Variants in SNTG1 observed in about 807,000 individuals in gnomAD.
SNTG1 encodes syntrophin gamma 1.
A neutral mutation model predicts 74.7 loss-of-function variants in SNTG1; 39 were observed. The observed-to-expected ratio is 0.52, with a 90% CI of 0.40 to 0.68. SNTG1 has a LOEUF of 0.68. Among genes scored for constraint, SNTG1 ranks in the 30% least tolerant of loss-of-function variants. The pLI, the probability that SNTG1 is intolerant of heterozygous loss-of-function variation, is 0.00. For missense variants in SNTG1, 685 were observed against 609.5 expected (o/e 1.12, Z -1.30); for synonymous variants, 254 against 217.1 (o/e 1.17, Z -1.49).
intron 15 of SNTG1, among the ~76,000 whole-genome samples, chr8:50,677,193 CA>C (rs1345187565): frequency 1.3e-5 from 2 of 151,900 alleles, no homozygotes; most frequent in African/African-American, 4.8e-5. Flanking sequence ...ACTGGAAAAG[CA>C]TAGCTGTTTT....
At chr8:50,527,360 C>T (rs1183123484) in intron 9 of SNTG1, among the ~76,000 whole-genome samples, 1 of 151,894 alleles carries the variant, frequency 6.6e-6, no homozygotes, top group Non-Finnish European at 1.5e-5. Flanking sequence ...TTTTTGTATC[C>T]TCTCTAAGAC....
intron 1 of SNTG1, among the ~76,000 whole-genome samples, chr8:50,135,197 C>T (rs546501914): frequency 9.2e-5 from 14 of 152,268 alleles, no homozygotes; most frequent in African/African-American, 2.9e-4. Flanking sequence ...GGCTATTCAT[C>T]CCCTTACCAA....
intron 1 of SNTG1, among the ~76,000 whole-genome samples, chr8:50,080,080 A>G (rs1159203599): frequency 1.3e-5 from 2 of 152,140 alleles, no homozygotes; most frequent in East Asian, 1.9e-4. Flanking sequence ...TAATATAAAA[A>G]CACAATGTAT....
At chr8:49,951,060 G>A (rs999007488) in intron 1 of SNTG1, among the ~76,000 whole-genome samples, 1 of 152,122 alleles carries the variant, frequency 6.6e-6, no homozygotes, top group African/African-American at 2.4e-5. Flanking sequence ...AGAGAATTTT[G>A]AATTAATCTA....
At chr8:50,738,761 T>A (rs569087410) in intron 17 of SNTG1, among the ~76,000 whole-genome samples, 11 of 150,214 alleles carry the variant, frequency 7.3e-5, no homozygotes, top group Admixed American at 6.6e-4. Context: ...ACCACACATC[T>A]ATGACCATCT....
intron 18 of SNTG1, among the ~76,000 whole-genome samples, chr8:50,788,343 T>G (rs879879572): frequency 2.0e-5 from 3 of 152,078 alleles, no homozygotes; most frequent in African/African-American, 7.2e-5. Context: ...CAATATTTTT[T>G]TGTCCTCACA....
intron 1 of SNTG1, among the ~76,000 whole-genome samples, chr8:50,040,647 T>C (rs1194532848): frequency 6.6e-6 from 1 of 152,184 alleles, no homozygotes; most frequent in Non-Finnish European, 1.5e-5. Flanking sequence ...GGGAAGGAGA[T>C]GCTTATAAAT....
chr8:50,781,188 G>T (rs2095658299), intron 18 of SNTG1, among the ~76,000 whole-genome samples: 1 of 144,176 alleles, frequency 6.9e-6, no homozygotes, highest in Admixed American at 6.7e-5. Flanking sequence ...CTGTTGATTT[G>T]GGGTGGAGAG....
intron 1 of SNTG1, among the ~76,000 whole-genome samples, chr8:50,004,276 T>A (rs749368615): frequency 1.3e-5 from 2 of 152,176 alleles, no homozygotes; most frequent in African/African-American, 4.8e-5. Flanking sequence ...TTATTCCAAC[T>A]CACTTCACAT....
intron 1 of SNTG1, among the ~76,000 whole-genome samples, chr8:50,053,074 G>A (rs1271293338): frequency 1.3e-5 from 2 of 152,006 alleles, no homozygotes; most frequent in Non-Finnish European, 2.9e-5. Context: ...ATGAAACCAC[G>A]TCCCATATTC....
chr8:50,421,440 G>T (rs1209103588), intron 4 of SNTG1, among the ~76,000 whole-genome samples: 1 of 152,092 alleles, frequency 6.6e-6, no homozygotes, highest in Non-Finnish European at 1.5e-5. Context: ...TGGGAGTGTA[G>T]CAGTGAGGAA....
chr8:50,598,957 C>T (rs974664599), intron 13 of SNTG1, among the ~76,000 whole-genome samples: 4 of 151,882 alleles, frequency 2.6e-5, no homozygotes, highest in African/African-American at 7.2e-5. Context: ...GTTATAACAA[C>T]TTTTTGGAGT....
At chr8:49,935,915 G>T (rs145193054) in intron 1 of SNTG1, among the ~76,000 whole-genome samples, 2 of 152,256 alleles carry the variant, frequency 1.3e-5, no homozygotes, top group Admixed American at 6.5e-5. Context: ...TTTTTTAAAT[G>T]CTCGGCTGCA....
At chr8:49,969,348 A>G (rs1243034527) in intron 1 of SNTG1, among the ~76,000 whole-genome samples, 5 of 151,912 alleles carry the variant, frequency 3.3e-5, no homozygotes, top group Non-Finnish European at 1.5e-5. Context: ...GAATTTACAA[A>G]AATTCTCAAA....
intron 9 of SNTG1, among the ~76,000 whole-genome samples, chr8:50,504,359 A>G (rs2093988941): frequency 6.6e-6 from 1 of 152,178 alleles, no homozygotes; most frequent in Admixed American, 6.5e-5. Context: ...GGTATATACC[A>G]TTTGACCCAG....
At position 49,994,644 on chromosome 8, in the gene SNTG1, C is replaced by A. The variant is rs1299034523; in HGVS notation, c.-103+82413C>A. ...TAACCCAAGAAATACGGATTCATGG[C>A]TAAAAAAAACTGTTAAATATTATGT... On this transcript the variant is annotated intron_variant, in intron 1 of 18. Coordinates refer to ENST00000642720, the MANE Select transcript of SNTG1 (RefSeq NM_018967.5). 2.0e-5 allele frequency among the ~76,000 whole-genome samples: 3 copies of A among 151,560 alleles called. No individual in the cohort carries two copies. In the East Asian group the frequency reaches 5.8e-4, roughly 29 times the overall value.
chr8:50,305,914 A>C (rs1338939164), intron 2 of SNTG1, among the ~76,000 whole-genome samples: 5 of 151,652 alleles, frequency 3.3e-5, no homozygotes, highest in Non-Finnish European at 5.9e-5. Context: ...AAAAAAAAAA[A>C]AACTGTTTCA....
chr8:50,788,083 A>G (rs997245889), intron 18 of SNTG1, among the ~76,000 whole-genome samples: 2 of 152,090 alleles, frequency 1.3e-5, no homozygotes, highest in Non-Finnish European at 2.9e-5. Context: ...TTACACAATA[A>G]TGACATAAGT....
chr8:50,320,451 C>T (rs2090483500), intron 2 of SNTG1, among the ~76,000 whole-genome samples: 1 of 151,358 alleles, frequency 6.6e-6, no homozygotes, highest in Non-Finnish European at 1.5e-5. Context: ...GTTTATCTTT[C>T]AAAAAACCAA....
Sources: gnomAD v4.1 joint callset for allele counts (sites outside exome capture counted in the v4.1 genomes callset) on GRCh38, gnomAD v4.1.1 for gene constraint, MANE v1.5 for transcripts, NCBI Gene and HGNC (gene_info 2026-07-23, HGNC 2026-07-21) for gene names.